DNAJC11: variants seen among roughly 807,000 people sequenced by gnomAD.
DNAJC11 encodes dnaJ homolog subfamily C member 11.
In DNAJC11, 15 loss-of-function variants were observed where a neutral mutation model predicts 78.6. The ratio of observed to expected loss-of-function variants is 0.19; its 90% CI spans 0.13 to 0.29. The LOEUF (loss-of-function observed/expected upper bound fraction) is 0.29. Ranked by LOEUF, DNAJC11 falls within the 10% of genes least tolerant of loss-of-function variation. DNAJC11 has a pLI of 1.00. For missense variants in DNAJC11, 547 were observed against 709.6 expected (o/e 0.77, Z 2.60); for synonymous variants, 292 against 272.1 (o/e 1.07, Z -0.72).
chr1:6,639,946 C>G lies in DNAJC11; in HGVS notation c.1209G>C (p.Met403Ile). The change falls in exon 11 of 16, where the codon ATG (methionine) becomes ATC (isoleucine). Residue 403 changes from methionine to isoleucine, a missense_variant. Met to Ile is a conservative substitution (Grantham distance 10). Transcript: ENST00000377577. Reference sequence around the variant, plus strand: ...GGTATGGTTTGATGATCAGACGGTGCATGGCAAAGTAGACCACTAGAGGCC... The same window carrying G: ...GGTATGGTTTGATGATCAGACGGTGGATGGCAAAGTAGACCACTAGAGGCC... ...TVGPLVVYFA[M>I]HRLIIKPYLR... The G allele has an allele frequency of 6.2e-7, 1 of 1,613,614 alleles. No individual in the cohort carries two copies. The highest frequency in any genetic ancestry group is 8.5e-7 in the Non-Finnish European group (1 of 1,179,966).
intron 7 of DNAJC11, among the ~76,000 whole-genome samples, chr1:6,646,967 C>A (rs181004284): frequency 6.6e-6 from 1 of 151,294 alleles, no homozygotes; most frequent in Admixed American, 6.6e-5. Flanking sequence ...ACAGCCTGGA[C>A]AACATGACAA....
chr1:6,639,767 G>T, intron 11 of DNAJC11, 135 bp downstream of exon 11: 1 of 904,442 alleles, frequency 1.1e-6, no homozygotes, highest in Non-Finnish European at 1.6e-6. Context: ...ATCAGCCTAA[G>T]TGCTTTACAT....
At chr1:6,644,377 G>A (rs1218320441) in intron 10 of DNAJC11, among the ~76,000 whole-genome samples, 181 bp downstream of exon 10, 2 of 152,154 alleles carry the variant, frequency 1.3e-5, no homozygotes, top group African/African-American at 4.8e-5. Flanking sequence ...CAGGCGATCC[G>A]GCCGCCTTGG....
intron 4 of DNAJC11, among the ~76,000 whole-genome samples, chr1:6,666,389 T>TC (rs1553129189): frequency 6.8e-4 from 49 of 72,166 alleles, no homozygotes; most frequent in African/African-American, 2.0e-3. Context: ...TCTTTTCTTT[T>TC]TTTTTTTTTT....
At chr1:6,679,856 T>C (rs1429331109) in intron 2 of DNAJC11, among the ~76,000 whole-genome samples, 1 of 152,216 alleles carries the variant, frequency 6.6e-6, no homozygotes, top group Non-Finnish European at 1.5e-5. Flanking sequence ...TGCACCCATT[T>C]AGATAACAGA....
chr1:6,637,798 G>A, intron 12 of DNAJC11: 1 of 520,388 alleles, frequency 1.9e-6, no homozygotes, highest in Non-Finnish European at 3.4e-6. Context: ...GGTGGGATTT[G>A]TTGACCCAAT....
At chr1:6,640,103 AG>A in intron 10 of DNAJC11, 46 bp from the exon 11 acceptor site, 1 of 1,504,606 alleles carries the variant, frequency 6.6e-7, no homozygotes, top group Middle Eastern at 2.0e-4. Flanking sequence ...AAGATGAATC[AG>A]GTTTTCCAGG....
chr1:6,636,278 C>T (rs776165240), intron 14 of DNAJC11, 32 bp from the exon 15 acceptor site: 2 of 1,611,700 alleles, frequency 1.2e-6, no homozygotes, highest in Non-Finnish European at 1.7e-6. Context: ...TCTCAATACT[C>T]CAGACGGTCT....
chr1:6,675,998 A>AGAGT (rs1642455528), intron 3 of DNAJC11, among the ~76,000 whole-genome samples: 1 of 152,234 alleles, frequency 6.6e-6, no homozygotes, highest in Admixed American at 6.5e-5. Context: ...GAGTGTATAA[A>AGAGT]GAGTGACGGG....
chr1:6,667,859 G>A, intron 3 of DNAJC11, 49 bp from the exon 4 acceptor site: 1 of 1,552,884 alleles, frequency 6.4e-7, no homozygotes, highest in Non-Finnish European at 8.9e-7. Flanking sequence ...CAGGAGGTAA[G>A]GGAAACGTAC....
Position 6,653,980 on chromosome 1 carries a change from A to G in DNAJC11, c.438T>C (p.Tyr146=). Residue 146 remains tyrosine, a synonymous_variant, in exon 5 of 16, where the codon TAT becomes TAC. Coordinates refer to ENST00000377577, the MANE Select transcript of DNAJC11 (RefSeq NM_018198.4). This position sits in a 1 kb window ranked among gnomAD's most constrained non-coding sequence, Gnocchi z 4.5. The part of the protein sequence containing the change: ...TDLFDRYDEE[Y]EDVSGSSFPQ... ...GAAAGCTACTGCCGGACACATCTTC[A>G]TACTCCTCATCATAGCGATCAAAAA... 6.2e-7 allele frequency: 1 copy of G among 1,613,684 alleles called. No homozygotes were observed. Among genetic ancestry groups the G allele is most frequent in the Non-Finnish European group, 8.5e-7 (1 of 1,179,708 alleles).
intron 7 of DNAJC11, among the ~76,000 whole-genome samples, chr1:6,649,318 C>T (rs980623990): frequency 1.3e-5 from 2 of 151,934 alleles, no homozygotes; most frequent in African/African-American, 2.4e-5. Flanking sequence ...TAAAGGCGCC[C>T]GCCACCGCTC....
rs762617759 is a variant in DNAJC11 at position 6,638,412 on chromosome 1, C to T, written c.1254-48G>A. On this transcript the variant is annotated intron_variant, in intron 11 of 15. Transcript: ENST00000377577. The stretch of plus-strand genomic sequence containing the variant: ...CCCACGTTAGCGCGGCGCTGCCCAG[C>T]TTCCAGCCAACACAGCCCCTCCCGT... The T allele has an allele frequency of 5.1e-6, 8 of 1,582,472 alleles. No individual in the cohort carries two copies. In the East Asian group the frequency reaches 1.8e-4, roughly 36 times the overall value.
At chr1:6,655,363 G>A (rs1185822567) in intron 4 of DNAJC11, among the ~76,000 whole-genome samples, 1 of 152,154 alleles carries the variant, frequency 6.6e-6, no homozygotes, top group Non-Finnish European at 1.5e-5. Flanking sequence ...GTAGTGATAC[G>A]CATAATGCAT....
rs116657896 is a variant in DNAJC11 at position 6,701,047 on chromosome 1, G to A, written c.72+682C>T. Among the ~76,000 whole-genome samples, 492 of 152,286 alleles carry A rather than the reference G, an allele frequency of 3.2e-3. 4 individuals are homozygous for A. Among genetic ancestry groups the A allele is most frequent in the African/African-American group, 0.011 (452 of 41,562 alleles). ...TTGAGGAGACAGGGTACAAGTGCTT[G>A]GTGTGAATGTTGAAGCTGTTGTTAG... is the stretch of plus-strand genomic sequence containing the variant. On this transcript the variant is annotated intron_variant, in intron 1 of 15. Coordinates refer to ENST00000377577, the MANE Select transcript of DNAJC11 (RefSeq NM_018198.4).
intron 1 of DNAJC11, among the ~76,000 whole-genome samples, chr1:6,689,647 G>A (rs1332983425): frequency 6.6e-6 from 1 of 152,062 alleles, no homozygotes; most frequent in East Asian, 1.9e-4. Context: ...AAAACAGCCA[G>A]GCATGGTGGC....
At chr1:6,664,241 C>CTT (rs946714292) in intron 4 of DNAJC11, among the ~76,000 whole-genome samples, 10 of 140,370 alleles carry the variant, frequency 7.1e-5, no homozygotes, top group East Asian at 2.1e-4. Context: ...CATTTTCTTT[C>CTT]TTTTTTTTTT....
Position 6,637,467 on chromosome 1 carries a change from T to C in DNAJC11, c.1361A>G (p.Glu454Gly). ...LMQESVRRII[E>G]AEESRMGLII... is the part of the protein sequence containing the mutation. ...CTCACCCATTCTGGACTCTTCTGCCTCAATTATCCTTCGGACAGATTCCTG... is the reference window on the plus strand; with the variant it reads ...CTCACCCATTCTGGACTCTTCTGCCCCAATTATCCTTCGGACAGATTCCTG... The change falls in exon 13 of 16, where the codon GAG becomes GGG. Residue 454 changes from glutamate (E) to glycine (G), a missense_variant. Physicochemically the swap from Glu to Gly is moderately conservative, Grantham distance 98 (BLOSUM62 -2). Coordinates refer to ENST00000377577, the MANE Select transcript of DNAJC11 (RefSeq NM_018198.4). The C allele has an allele frequency of 6.2e-7, 1 of 1,614,196 alleles. No homozygotes were observed. Among genetic ancestry groups the C allele is most frequent in the South Asian group, 1.1e-5 (1 of 91,080 alleles).
chr1:6,694,373 C>T (rs563122568), intron 1 of DNAJC11, among the ~76,000 whole-genome samples: 3 of 152,220 alleles, frequency 2.0e-5, no homozygotes, highest in Non-Finnish European at 2.9e-5. Context: ...CAGGAAGATG[C>T]CAACTCAATT....
Sources: allele counts gnomAD v4.1 joint callset (sites outside exome capture counted in the v4.1 genomes callset), GRCh38; gene constraint gnomAD v4.1.1; non-coding constraint Gnocchi (gnomAD v3.1); transcripts MANE v1.5; gene names NCBI Gene and HGNC (gene_info 2026-07-23, HGNC 2026-07-21).